The following IGSF21 variants were observed in gnomAD, a reference collection of about 807,000 sequenced individuals.
The protein encoded by IGSF21 is immunoglobulin superfamily member 21.
In IGSF21, 28 loss-of-function variants were observed where a neutral mutation model predicts 46.8. The ratio of observed to expected loss-of-function variants is 0.60; its 90% CI spans 0.44 to 0.82. The LOEUF is 0.82. IGSF21 is among the 40% of genes least tolerant of loss of function. The pLI is 0.00. For synonymous variants in IGSF21, 284 were observed against 273.6 expected (o/e 1.04, Z -0.38); for missense variants, 624 against 665.5 (o/e 0.94, Z 0.69).
chr1:18,208,642 C>T (rs1167617829), intron 1 of IGSF21, among the ~76,000 whole-genome samples: 1 of 149,930 alleles, frequency 6.7e-6, no homozygotes, highest in African/African-American at 2.5e-5. Context: ...CGTTATCCGC[C>T]CGCCTCGGCC....
chr1:18,135,889 G>T (rs1462578226), intron 1 of IGSF21, among the ~76,000 whole-genome samples: 3 of 152,196 alleles, frequency 2.0e-5, no homozygotes, highest in South Asian at 4.1e-4. Context: ...CAGTGTAAAA[G>T]TGTTCCTATT....
intron 1 of IGSF21, among the ~76,000 whole-genome samples, chr1:18,215,404 T>A (rs2084434256): frequency 6.6e-6 from 1 of 152,132 alleles, no homozygotes; most frequent in Admixed American, 6.5e-5. Flanking sequence ...CAAAAAGAAG[T>A]GTCCTCATGC....
In IGSF21 at chr1:18,186,688, A is replaced by G. The variant is rs544731774; in HGVS notation, c.71-41210A>G. ...TGTTGGCTTCCCTTTTTTAAGAAAA[A>G]TGTTCAAAATCCTATAAAGAAGGAC... On this transcript the variant is annotated intron_variant, in intron 1 of 9. Coordinates refer to ENST00000251296, the MANE Select transcript of IGSF21 (RefSeq NM_032880.5). Among the ~76,000 whole-genome samples, 16 of 152,280 alleles carry G rather than the reference A, an allele frequency of 1.1e-4. 1 individual carries two copies. In the South Asian group the frequency reaches 2.5e-3, roughly 24 times the overall value.
chr1:18,359,383 A>AAAGAAAGAAAGGAAGG (rs1557659626), intron 4 of IGSF21, among the ~76,000 whole-genome samples: 38 of 61,084 alleles, frequency 6.2e-4, no homozygotes, highest in Admixed American at 1.3e-3. Flanking sequence ...AGAAAGAAAG[A>AAAGAAAGAAAGGAAGG]AAGGAAGGAA....
intron 1 of IGSF21, among the ~76,000 whole-genome samples, chr1:18,123,765 G>A (rs908929035): frequency 1.5e-4 from 23 of 152,284 alleles, no homozygotes; most frequent in African/African-American, 5.1e-4. Context: ...GGGGCACGTG[G>A]GAGAGTCGGG....
chr1:18,206,509 A>C (rs2084329249), intron 1 of IGSF21, among the ~76,000 whole-genome samples: 1 of 151,592 alleles, frequency 6.6e-6, no homozygotes, highest in African/African-American at 2.4e-5. Context: ...TGATCGCACC[A>C]CTGCATTCTG....
chr1:18,306,017 C>T (rs1341137603), intron 3 of IGSF21, among the ~76,000 whole-genome samples: 1 of 152,216 alleles, frequency 6.6e-6, no homozygotes, highest in East Asian at 1.9e-4. Flanking sequence ...ATCATGGCTT[C>T]TTGCCACCTG....
intron 4 of IGSF21, among the ~76,000 whole-genome samples, chr1:18,343,327 C>A (rs753443020): frequency 6.6e-6 from 1 of 152,336 alleles, no homozygotes; most frequent in African/African-American, 2.4e-5. Context: ...TAAGAGTTCT[C>A]TATCTGACCT....
At chr1:18,195,193 AC>A (rs965420604) in intron 1 of IGSF21, among the ~76,000 whole-genome samples, 5 of 152,202 alleles carry the variant, frequency 3.3e-5, no homozygotes, top group African/African-American at 1.2e-4. Context: ...AAAGAAACTT[AC>A]TTAAGGCCAC....
chr1:18,348,916 C>T (rs1035516470), intron 4 of IGSF21, among the ~76,000 whole-genome samples: 2 of 152,180 alleles, frequency 1.3e-5, no homozygotes, highest in Non-Finnish European at 2.9e-5. Context: ...TGTAGAGAAG[C>T]TCCCAAGCCA....
intron 3 of IGSF21, among the ~76,000 whole-genome samples, chr1:18,325,503 C>T (rs1380899513): frequency 1.3e-5 from 2 of 152,142 alleles, no homozygotes; most frequent in Non-Finnish European, 2.9e-5. Context: ...TCTCAGGGCC[C>T]CGGAATGATT....
intron 2 of IGSF21, among the ~76,000 whole-genome samples, chr1:18,237,332 A>G (rs1421235703): frequency 6.6e-6 from 1 of 152,144 alleles, no homozygotes; most frequent in Non-Finnish European, 1.5e-5. Flanking sequence ...TGAAGGTATA[A>G]AGAAGGACAG....
At chr1:18,202,704 C>A (rs1044403338) in intron 1 of IGSF21, among the ~76,000 whole-genome samples, 3 of 152,212 alleles carry the variant, frequency 2.0e-5, no homozygotes, top group African/African-American at 7.2e-5. Flanking sequence ...CATCACCTCC[C>A]ACCAGGTCCT....
At chr1:18,375,486 TCTC>T (rs2086271217) in intron 6 of IGSF21, among the ~76,000 whole-genome samples, 1 of 152,204 alleles carries the variant, frequency 6.6e-6, no homozygotes. Context: ...TCCCTGATAT[TCTC>T]AGGTGTCGTT....
chr1:18,265,403 A>G (rs2084980805), intron 2 of IGSF21, among the ~76,000 whole-genome samples: 1 of 152,162 alleles, frequency 6.6e-6, no homozygotes, highest in African/African-American at 2.4e-5. Flanking sequence ...TGTTAATGTC[A>G]GGCAAAAATT....
At chr1:18,115,842 G>GAAGGAAGGAAGGAAGGAAGA (rs1326188397) in intron 1 of IGSF21, 1 of 87,770 alleles carries the variant, frequency 1.1e-5, no homozygotes, top group African/African-American at 5.2e-5. Context: ...AGGAAGGAAG[G>GAAGGAAGGAAGGAAGGAAGA]AAGAAAGAAA....
intron 3 of IGSF21, among the ~76,000 whole-genome samples, chr1:18,311,257 T>C (rs1257426608): frequency 6.6e-6 from 1 of 152,270 alleles, no homozygotes; most frequent in Non-Finnish European, 1.5e-5. Flanking sequence ...GTGTCCACCA[T>C]GCCTCTCCCC....
At chr1:18,259,721 G>A (rs769788124) in intron 2 of IGSF21, among the ~76,000 whole-genome samples, 3 of 152,188 alleles carry the variant, frequency 2.0e-5, no homozygotes, top group Non-Finnish European at 2.9e-5. Context: ...TGGTACACAC[G>A]TGTATAGGCT....
chr1:18,363,008 C>T (rs2086118670), intron 5 of IGSF21, among the ~76,000 whole-genome samples: 1 of 152,112 alleles, frequency 6.6e-6, no homozygotes, highest in Non-Finnish European at 1.5e-5. Context: ...TTTTTAGTAG[C>T]ACGAGGACCC....
Sources: allele counts gnomAD v4.1 joint callset (sites outside exome capture counted in the v4.1 genomes callset), GRCh38; gene constraint gnomAD v4.1.1; transcripts MANE v1.5; gene names NCBI Gene and HGNC (gene_info 2026-07-23, HGNC 2026-07-21).